The following FHIT variants were observed in gnomAD, a reference collection of about 807,000 sequenced individuals.
FHIT encodes fragile histidine triad diadenosine triphosphatase, also known as bis(5'-adenosyl)-triphosphatase.
Under a neutral mutation model 17.9 loss-of-function variants are expected in FHIT, and 19 were observed. The observed-to-expected ratio is 1.06, with a 90% CI of 0.74 to 1.56. FHIT has a LOEUF of 1.56. FHIT is among the 40% of genes most tolerant of loss of function. The pLI is 0.00. For synonymous variants in FHIT, 81 were observed against 69.7 expected (o/e 1.16, Z -0.81); for missense variants, 248 against 189.2 (o/e 1.31, Z -1.82).
At chr3:59,766,455 C>G (rs1166942661) in intron 8 of FHIT, among the ~76,000 whole-genome samples, 3 of 152,170 alleles carry the variant, frequency 2.0e-5, no homozygotes, top group African/African-American at 7.2e-5. Context: ...CGACTAGGAT[C>G]TATTTTGGGT....
chr3:60,973,207 A>G (rs116530305), intron 3 of FHIT, among the ~76,000 whole-genome samples: 33 of 152,330 alleles, frequency 2.2e-4, no homozygotes, highest in Non-Finnish European at 4.7e-4. Flanking sequence ...GCAGGCAGAT[A>G]GAGTACAGGA....
At chr3:60,538,411 A>T (rs569833038) in intron 4 of FHIT, among the ~76,000 whole-genome samples, 1 of 152,216 alleles carries the variant, frequency 6.6e-6, no homozygotes, top group Non-Finnish European at 1.5e-5. Context: ...GATACCAATT[A>T]CTTTCTTCAC....
At chr3:60,795,507 T>A (rs56396836) in intron 4 of FHIT, among the ~76,000 whole-genome samples, 1 of 118,918 alleles carries the variant, frequency 8.4e-6, no homozygotes, top group African/African-American at 3.5e-5. Context: ...CTTTGTTTTT[T>A]GTTTTTTTTT....
intron 5 of FHIT, among the ~76,000 whole-genome samples, chr3:60,501,208 A>G (rs955616154): frequency 6.6e-6 from 1 of 152,188 alleles, no homozygotes; most frequent in Non-Finnish European, 1.5e-5. Context: ...TTTTTCAGGG[A>G]TGACTTGAAG....
In FHIT at chr3:60,339,119, T is replaced by G. The variant is rs146649223; in HGVS notation, c.103+197741A>C. ...CTATTGCTATAATATATGCAATATG[T>G]AAGTATGTATGCACATATGCATATG... On this transcript the variant is annotated intron_variant, in intron 5 of 9. Transcript: ENST00000492590. Among the ~76,000 whole-genome samples, 645 of 152,320 alleles carry G rather than the reference T, an allele frequency of 4.2e-3. 2 individuals are homozygous for G. The highest frequency in any genetic ancestry group is 0.015 in the African/African-American group (608 of 41,572).
At chr3:59,807,392 G>A (rs993063573) in intron 8 of FHIT, among the ~76,000 whole-genome samples, 1 of 152,136 alleles carries the variant, frequency 6.6e-6, no homozygotes, top group African/African-American at 2.4e-5. Flanking sequence ...CACACTATGG[G>A]GTGTCATCAG....
intron 5 of FHIT, among the ~76,000 whole-genome samples, chr3:60,169,016 G>A (rs945992072): frequency 6.6e-6 from 1 of 152,170 alleles, no homozygotes; most frequent in African/African-American, 2.4e-5. Flanking sequence ...ACAGTTGGAG[G>A]ATTCTTTGAA....
At chr3:60,908,235 A>G (rs1553765012) in intron 3 of FHIT, among the ~76,000 whole-genome samples, 1 of 152,226 alleles carries the variant, frequency 6.6e-6, no homozygotes, top group East Asian at 1.9e-4. Context: ...AATTTTACAA[A>G]CACAGCATCC....
At chr3:61,177,376 T>C (rs542309484) in intron 2 of FHIT, among the ~76,000 whole-genome samples, 1 of 152,266 alleles carries the variant, frequency 6.6e-6, no homozygotes, top group African/African-American at 2.4e-5. Context: ...AAAATACTTC[T>C]TAGTTTATAC....
chr3:59,759,139 G>C (rs1701371879), intron 8 of FHIT, among the ~76,000 whole-genome samples: 1 of 151,916 alleles, frequency 6.6e-6, no homozygotes, highest in Non-Finnish European at 1.5e-5. Context: ...AGAAAGAACA[G>C]CAAGTGCAGA....
intron 4 of FHIT, among the ~76,000 whole-genome samples, chr3:60,697,846 G>C (rs1181763241): frequency 6.6e-6 from 1 of 152,126 alleles, no homozygotes; most frequent in Non-Finnish European, 1.5e-5. Flanking sequence ...CCTTAGAAAG[G>C]AGAGTTTCAA....
intron 5 of FHIT, among the ~76,000 whole-genome samples, chr3:60,150,713 T>A (rs1305323573): frequency 6.6e-6 from 1 of 152,078 alleles, no homozygotes; most frequent in African/African-American, 2.4e-5. Flanking sequence ...AGCTCAGGAG[T>A]TCGAGACCAG....
At chr3:60,441,770 T>A (rs79412151) in intron 5 of FHIT, among the ~76,000 whole-genome samples, 20,859 of 42,394 alleles carry the variant, frequency 0.49, 6,782 homozygotes, top group Middle Eastern at 0.63. Context: ...ATATATATAT[T>A]TATATGTATA....
At chr3:61,213,175 T>C (rs1360509042) in intron 1 of FHIT, among the ~76,000 whole-genome samples, 2 of 152,296 alleles carry the variant, frequency 1.3e-5, no homozygotes, top group Admixed American at 6.5e-5. Flanking sequence ...TAAATGTAAA[T>C]GGACTAAATG....
At chr3:59,981,170 T>G (rs1708637676) in intron 7 of FHIT, among the ~76,000 whole-genome samples, 1 of 152,176 alleles carries the variant, frequency 6.6e-6, no homozygotes, top group Non-Finnish European at 1.5e-5. Context: ...TACAAAAACC[T>G]TCTTAGAGCA....
chr3:59,961,036 A>C (rs902132212), intron 7 of FHIT, among the ~76,000 whole-genome samples: 4 of 152,162 alleles, frequency 2.6e-5, no homozygotes, highest in Admixed American at 2.0e-4. Context: ...AAATGTCCGA[A>C]AGTGGTTTGC....
At chr3:61,021,875 T>C (rs1405024287) in intron 3 of FHIT, among the ~76,000 whole-genome samples, 1 of 152,084 alleles carries the variant, frequency 6.6e-6, no homozygotes, top group African/African-American at 2.4e-5. Flanking sequence ...TAGCACTAAA[T>C]GCTCACAAGA....
At position 61,192,801 on chromosome 3, in the gene FHIT, C is replaced by T. The variant is rs185568444; in HGVS notation, c.-164+7816G>A. Among the ~76,000 whole-genome samples the T allele has an allele frequency of 2.5e-3, 380 of 152,102 alleles. 4 individuals carry two copies. The highest frequency in any genetic ancestry group is 0.017 in the Admixed American group (261 of 15,264). On this transcript the variant is annotated intron_variant, in intron 2 of 9. Transcript: ENST00000492590. Reference sequence around the variant, plus strand: ...ACAAAAAAAAAGACAACTGAGATGCCAGAAAAAGGATTAATCATGTGATCA... The same window carrying T: ...ACAAAAAAAAAGACAACTGAGATGCTAGAAAAAGGATTAATCATGTGATCA...
At chr3:60,404,757 C>T (rs1339245994) in intron 5 of FHIT, among the ~76,000 whole-genome samples, 1 of 152,046 alleles carries the variant, frequency 6.6e-6, no homozygotes, top group African/African-American at 2.4e-5. Context: ...AGTCAGGGAC[C>T]AGGCTTTACA....
Sources: allele counts gnomAD v4.1 joint callset (sites outside exome capture counted in the v4.1 genomes callset), GRCh38; gene constraint gnomAD v4.1.1; transcripts MANE v1.5; gene names NCBI Gene and HGNC (gene_info 2026-07-23, HGNC 2026-07-21).